The following ZFAND3 variants were observed in gnomAD, a reference collection of about 807,000 sequenced individuals.
The protein encoded by ZFAND3 is zinc finger AN1-type containing 3.
Under a neutral mutation model 29.6 loss-of-function variants are expected in ZFAND3, and 10 were observed. That is an observed-to-expected ratio of 0.34 (90% CI 0.21 to 0.57). ZFAND3 has a LOEUF of 0.57. Among genes scored for constraint, ZFAND3 ranks in the 20% least tolerant of loss-of-function variants. The pLI, the probability that ZFAND3 is intolerant of heterozygous loss-of-function variation, is 0.86. For synonymous variants in ZFAND3, 128 were observed against 112.6 expected (o/e 1.14, Z -0.87); for missense variants, 230 against 304.5 (o/e 0.76, Z 1.82).
At chr6:37,838,332 T>G (rs564703568) in intron 1 of ZFAND3, among the ~76,000 whole-genome samples, 2 of 152,360 alleles carry the variant, frequency 1.3e-5, no homozygotes, top group East Asian at 3.9e-4. Flanking sequence ...TACCATAAAT[T>G]TCATCCTTTT....
chr6:37,971,831 G>T (rs1363860960), intron 2 of ZFAND3, among the ~76,000 whole-genome samples: 2 of 117,884 alleles, frequency 1.7e-5, no homozygotes, highest in Non-Finnish European at 1.7e-5. Flanking sequence ...TGTACAAAAT[G>T]AAAAAAAAAA....
rs1419190470 is a variant in ZFAND3 at position 38,154,591 on chromosome 6, T to C, written c.*2202T>C. 5.2e-6 allele frequency: 5 copies of C among 963,558 alleles called. No homozygotes were observed. Among genetic ancestry groups the C allele is most frequent in the Admixed American group, 1.2e-4 (2 of 16,216 alleles). The allele number at this position is 963,558 out of a possible 1,614,324, so 59.7% of individuals were successfully genotyped here. A position where few individuals can be genotyped will look rare whatever the true frequency, so the allele number is the denominator to read the frequency against. On this transcript the variant is annotated 3_prime_UTR_variant, in exon 6 of 6. Transcript: ENST00000287218. The stretch of plus-strand genomic sequence containing the variant: ...CTTGTAACTTTATTCTTTTTTCTCC[T>C]GCTGAAAAAAAAAATTAAACCAATC...
intron 2 of ZFAND3, among the ~76,000 whole-genome samples, chr6:37,953,124 T>G (rs1319910734): frequency 6.6e-6 from 1 of 152,138 alleles, no homozygotes. Flanking sequence ...TTTATTTAAA[T>G]GTGGTTATTG....
intron 2 of ZFAND3, among the ~76,000 whole-genome samples, chr6:38,008,699 C>G (rs1173497206): frequency 6.6e-6 from 1 of 151,886 alleles, no homozygotes; most frequent in East Asian, 1.9e-4. Context: ...TTGCTTTTTT[C>G]TTTCTGCTTT....
intron 2 of ZFAND3, among the ~76,000 whole-genome samples, chr6:38,036,943 C>G (rs1763669764): frequency 6.6e-6 from 1 of 152,116 alleles, no homozygotes. Context: ...GGTAAACCAT[C>G]TGAAGAGATA....
At chr6:38,104,881 T>TCATTA (rs1765177382) in intron 4 of ZFAND3, among the ~76,000 whole-genome samples, 1 of 152,174 alleles carries the variant, frequency 6.6e-6, no homozygotes, top group Non-Finnish European at 1.5e-5. Flanking sequence ...AAAGTTGTCT[T>TCATTA]CGTAATAAGG....
At chr6:37,868,621 G>A (rs73419425) in intron 1 of ZFAND3, among the ~76,000 whole-genome samples, 15 of 152,216 alleles carry the variant, frequency 9.9e-5, no homozygotes, top group African/African-American at 3.6e-4. Context: ...GAGAAAGTGA[G>A]GAATGTGATG....
At chr6:37,957,385 C>T (rs1017559951) in intron 2 of ZFAND3, among the ~76,000 whole-genome samples, 2 of 150,724 alleles carry the variant, frequency 1.3e-5, no homozygotes, top group African/African-American at 2.4e-5. Context: ...ATAAATGTCT[C>T]GGAGTCTCAG....
chr6:37,894,402 T>C (rs1248774258), intron 1 of ZFAND3, among the ~76,000 whole-genome samples: 2 of 151,340 alleles, frequency 1.3e-5, no homozygotes, highest in Non-Finnish European at 2.9e-5. Flanking sequence ...TTTTTTTAAG[T>C]CTGTTGCCCA....
chr6:38,003,936 A>G (rs1762997070), intron 2 of ZFAND3, among the ~76,000 whole-genome samples: 1 of 151,976 alleles, frequency 6.6e-6, no homozygotes, highest in Non-Finnish European at 1.5e-5. Flanking sequence ...GAATGAAAAA[A>G]CTAATTTTTT....
At position 38,153,648 on chromosome 6, in the gene ZFAND3, T is replaced by G. The variant is rs1186046513; in HGVS notation, c.*1259T>G. On this transcript the variant is annotated 3_prime_UTR_variant, in exon 6 of 6. Coordinates refer to ENST00000287218, the MANE Select transcript of ZFAND3 (RefSeq NM_021943.3). ...CATGTTCACAGAGGATTTCAGCAGC[T>G]GCAACTGCGCACGCCAGGTGGGGAA... 6 of 984,762 alleles carry G rather than the reference T, an allele frequency of 6.1e-6. No homozygotes were observed. The African/African-American group carries it at 7.0e-5, about 12-fold the overall frequency. 61.0% of individuals were successfully genotyped at this position (984,762 alleles called of 1,614,324 possible).
At chr6:37,862,720 A>G (rs1235359136) in intron 1 of ZFAND3, among the ~76,000 whole-genome samples, 2 of 151,388 alleles carry the variant, frequency 1.3e-5, no homozygotes, top group African/African-American at 4.9e-5. Context: ...AAACAAAACA[A>G]AACAAAAAAA....
intron 5 of ZFAND3, among the ~76,000 whole-genome samples, chr6:38,120,260 C>G (rs1171544118): frequency 5.3e-5 from 8 of 149,628 alleles, no homozygotes. Context: ...GGCCACGTCA[C>G]AGCCACAAGA....
At chr6:37,953,183 C>T (rs1254467470) in intron 2 of ZFAND3, among the ~76,000 whole-genome samples, 1 of 151,594 alleles carries the variant, frequency 6.6e-6, no homozygotes, top group Non-Finnish European at 1.5e-5. Flanking sequence ...TTCTATTTGT[C>T]CCATCTCTTC....
intron 2 of ZFAND3, among the ~76,000 whole-genome samples, chr6:38,017,907 C>G (rs1000465728): frequency 2.0e-5 from 3 of 152,120 alleles, no homozygotes; most frequent in African/African-American, 7.2e-5. Flanking sequence ...GTCCCCTCCC[C>G]CAAGTCTTAT....
chr6:38,047,420 T>C (rs1397197993), intron 2 of ZFAND3, among the ~76,000 whole-genome samples: 1 of 152,220 alleles, frequency 6.6e-6, no homozygotes, highest in Non-Finnish European at 1.5e-5. Flanking sequence ...ATATAGTATC[T>C]TTATTCCTTT....
At chr6:38,114,511 T>G (rs972457658) in intron 4 of ZFAND3, among the ~76,000 whole-genome samples, 4 of 152,204 alleles carry the variant, frequency 2.6e-5, no homozygotes, top group Non-Finnish European at 5.9e-5. Flanking sequence ...TTTAGTTGGT[T>G]TGTATTGGGG....
intron 5 of ZFAND3, among the ~76,000 whole-genome samples, chr6:38,143,637 G>C (rs1179656134): frequency 6.6e-6 from 1 of 152,234 alleles, no homozygotes; most frequent in African/African-American, 2.4e-5. Context: ...TTTCTAAATT[G>C]CAAGTTTTCC....
chr6:38,154,274 G>GCCC lies in ZFAND3; in HGVS notation c.*1888_*1890dup. Reference sequence around the variant, plus strand: ...TTCCCGGCCCTCCCCAGGGCCCCCCGCCCCCTCCTCTGCCTGCTGCGTGGA... The same window carrying GCCC: ...TTCCCGGCCCTCCCCAGGGCCCCCCGCCCCCCCCTCCTCTGCCTGCTGCGTGGA... On this transcript the variant is annotated 3_prime_UTR_variant, in exon 6 of 6. Coordinates refer to ENST00000287218, the MANE Select transcript of ZFAND3 (RefSeq NM_021943.3). 1.0e-6 allele frequency: 1 copy of GCCC among 984,252 alleles called. No homozygotes were observed. Among genetic ancestry groups the GCCC allele is most frequent in the Non-Finnish European group, 1.2e-6 (1 of 829,728 alleles). 61.0% of individuals were successfully genotyped at this position (984,252 alleles called of 1,614,324 possible). A position where few individuals can be genotyped will look rare whatever the true frequency, so the allele number is the denominator to read the frequency against.
Sources: allele counts gnomAD v4.1 joint callset (sites outside exome capture counted in the v4.1 genomes callset), GRCh38; gene constraint gnomAD v4.1.1; transcripts MANE v1.5; gene names NCBI Gene and HGNC (gene_info 2026-07-23, HGNC 2026-07-21).